ACBD5: variants seen among roughly 807,000 people sequenced by gnomAD.
The protein encoded by ACBD5 is acyl-CoA-binding domain-containing protein 5.
In ACBD5, 40 loss-of-function variants were observed where a neutral mutation model predicts 71.8. The ratio of observed to expected loss-of-function variants is 0.56; its 90% CI spans 0.43 to 0.72. ACBD5 has a LOEUF of 0.72. ACBD5 is among the 30% of genes least tolerant of loss of function. The probability of loss-of-function intolerance (pLI) is 0.00; values close to 1 mark genes in which losing one functional copy is unlikely to be tolerated. For synonymous variants in ACBD5, 229 were observed against 218.6 expected, an observed-to-expected ratio of 1.05 and a Z score of -0.42; for missense variants, 559 against 644.5, an observed-to-expected ratio of 0.87 and a Z score of 1.44.
intron 9 of ACBD5, among the ~76,000 whole-genome samples, chr10:27,208,837 CA>C (rs1448432555): frequency 3.3e-5 from 5 of 151,206 alleles, no homozygotes; most frequent in Non-Finnish European, 1.5e-5. Context: ...TACTCCATCT[CA>C]AAAAAATAAA....
chr10:27,217,938 C>A (rs1286330839), intron 7 of ACBD5, 42 bp downstream of exon 7: 4 of 1,540,720 alleles, frequency 2.6e-6, no homozygotes, highest in African/African-American at 1.4e-5. Context: ...AAAGACTATT[C>A]ATAGGAAAGA....
intron 2 of ACBD5, among the ~76,000 whole-genome samples, chr10:27,237,232 C>T (rs1056131110): frequency 1.3e-5 from 2 of 152,096 alleles, no homozygotes; most frequent in African/African-American, 4.8e-5. Context: ...ATACAAAAAC[C>T]GAGAACATTT....
upstream of ACBD5, chr10:27,240,870 C>G: frequency 1.1e-6 from 1 of 888,998 alleles, no homozygotes; most frequent in South Asian, 1.6e-5. The surrounding 1 kb of genome is among the most constrained non-coding windows in gnomAD (Gnocchi z 4.1). Context: ...GCCGCCGCAG[C>G]AGCAGTGCAG....
In ACBD5 at chr10:27,215,616, A is replaced by G. The variant is rs1460777816; in HGVS notation, c.855T>C (p.Asp285=). ...HQDINDDHVE[D]VTGIQHLTSD... is the part of the protein sequence containing the mutation. ...TTGTCAAATGCTGAATTCCTGTAAC[A>G]TCTTCAACATGATCATCATTTATAT... is the stretch of plus-strand genomic sequence containing the variant. Residue 285 remains aspartate, a synonymous_variant, in exon 8 of 13, where the codon GAT becomes GAC. Coordinates refer to ENST00000396271, the MANE Select transcript of ACBD5 (RefSeq NM_145698.5). 1.9e-6 allele frequency: 3 copies of G among 1,612,592 alleles called. No homozygotes were observed. The highest frequency in any genetic ancestry group is 3.3e-5 in the Admixed American group (2 of 59,984).
At position 27,235,261 on chromosome 10, in the gene ACBD5, T is replaced by C. The variant is rs1375406036; in HGVS notation, c.182-49A>G. On this transcript the variant is annotated intron_variant, in intron 2 of 12. Transcript: ENST00000396271. Reference sequence around the variant, plus strand: ...CAAATCACCTGGGGAATACAACTGATAATCAGGTTATAAATTAGCTTAGCT... The same window carrying C: ...CAAATCACCTGGGGAATACAACTGACAATCAGGTTATAAATTAGCTTAGCT... The C allele has an allele frequency of 1.9e-6, 3 of 1,606,360 alleles. No homozygotes were observed. The East Asian group carries it at 6.7e-5, about 36-fold the overall frequency.
chr10:27,197,476 A>G (rs746410094), intron 12 of ACBD5, 34 bp from the exon 13 acceptor site: 1 of 1,532,522 alleles, frequency 6.5e-7, no homozygotes, highest in Non-Finnish European at 9.0e-7. Context: ...ATTTCCTGTG[A>G]GTATGAATGC....
chr10:27,231,890 G>A (rs2063914032), intron 3 of ACBD5, 70 bp from the exon 4 acceptor site: 1 of 1,407,902 alleles, frequency 7.1e-7, no homozygotes, highest in East Asian at 2.3e-5. Context: ...ACAATTTATA[G>A]TTGATGCTAT....
At chr10:27,208,033 C>A (rs1329683294) in intron 10 of ACBD5, among the ~76,000 whole-genome samples, 1 of 152,140 alleles carries the variant, frequency 6.6e-6, no homozygotes, top group Non-Finnish European at 1.5e-5. Flanking sequence ...CGGCGCCCAG[C>A]CATTTTTCTA....
At chr10:27,238,244 T>TG (rs2065020183) in intron 2 of ACBD5, among the ~76,000 whole-genome samples, 1 of 152,348 alleles carries the variant, frequency 6.6e-6, no homozygotes, top group African/African-American at 2.4e-5. Context: ...CCCACAGTGC[T>TG]GGGATTACAG....
chr10:27,220,989 T>C (rs544263922), intron 5 of ACBD5, among the ~76,000 whole-genome samples: 1 of 152,364 alleles, frequency 6.6e-6, no homozygotes, highest in South Asian at 2.1e-4. Flanking sequence ...TTCTTACAGA[T>C]ATGCTTTCAC....
chr10:27,218,730 C>T (rs371388743), intron 6 of ACBD5, among the ~76,000 whole-genome samples: 4 of 151,706 alleles, frequency 2.6e-5, no homozygotes, highest in East Asian at 1.9e-4. Flanking sequence ...GGATTACAGG[C>T]GCCCGCCACT....
chr10:27,202,134 C>T (rs1025453091), intron 12 of ACBD5, among the ~76,000 whole-genome samples: 1 of 152,178 alleles, frequency 6.6e-6, no homozygotes, highest in Non-Finnish European at 1.5e-5. Flanking sequence ...TACAACTGCT[C>T]TCTGGTCTTC....
chr10:27,184,553 G>GCTTTT (rs2058535007), intron 13 of ACBD5, among the ~76,000 whole-genome samples: 1 of 74,918 alleles, frequency 1.3e-5, no homozygotes. Context: ...ATATAAGAAG[G>GCTTTT]ATTTTTTTTT....
In ACBD5 at chr10:27,235,127, C is replaced by T. The variant is rs2064481064; in HGVS notation, c.267G>A (p.Arg89=). 6.2e-7 allele frequency: 1 copy of T among 1,613,932 alleles called. No individual in the cohort carries two copies. ...QATEGPCKLS[R]PGFWDPIGRY... is the part of the protein sequence containing the mutation. ...TTCCAATAGGATCCCAAAATCCAGG[C>T]CTTGAAAGTTTACAGGGTCCTTCAG... Residue 89 remains arginine (R), a synonymous_variant, in exon 3 of 13, where the codon AGG becomes AGA. Coordinates refer to ENST00000396271, the MANE Select transcript of ACBD5 (RefSeq NM_145698.5).
At chr10:27,199,967 C>T (rs368196151) in intron 12 of ACBD5, among the ~76,000 whole-genome samples, 4 of 150,516 alleles carry the variant, frequency 2.7e-5, no homozygotes, top group South Asian at 2.1e-4. Flanking sequence ...CCAGCCTGGG[C>T]GACAGAGCAA....
chr10:27,199,179 AC>A (rs1407382038), intron 12 of ACBD5, among the ~76,000 whole-genome samples: 3 of 150,802 alleles, frequency 2.0e-5, no homozygotes, highest in African/African-American at 7.3e-5. Flanking sequence ...GTCTCGATGA[AC>A]CCCCAATCTT....
intron 13 of ACBD5, chr10:27,186,635 T>C: frequency 9.0e-7 from 1 of 1,106,568 alleles, no homozygotes; most frequent in South Asian, 1.2e-5. Context: ...GAAAGATCAT[T>C]ATTTAACCTA....
chr10:27,206,191 G>A (rs1237599526), intron 10 of ACBD5, among the ~76,000 whole-genome samples: 2 of 151,878 alleles, frequency 1.3e-5, no homozygotes, highest in African/African-American at 4.8e-5. Flanking sequence ...TGTGAGCCAT[G>A]GGCCTAGCCT....
In ACBD5 at chr10:27,240,050, G is replaced by T. The variant is rs1162091787; in HGVS notation, c.181+269C>A. Among the ~76,000 whole-genome samples the T allele has an allele frequency of 2.6e-5, 4 of 151,984 alleles. No individual in the cohort carries two copies. The highest frequency in any genetic ancestry group is 5.9e-5 in the Non-Finnish European group (4 of 67,974). ...GGCTTGAGCCACCGCGCCCGGCCCGGATTTATTTTTTAACACACCCAAATC... is the reference window on the plus strand; with the variant it reads ...GGCTTGAGCCACCGCGCCCGGCCCGTATTTATTTTTTAACACACCCAAATC... On this transcript the variant is annotated intron_variant, in intron 2 of 12. Transcript: ENST00000396271. This position sits in a 1 kb window ranked among gnomAD's most constrained non-coding sequence, Gnocchi z 4.1.
Sources: allele counts gnomAD v4.1 joint callset (sites outside exome capture counted in the v4.1 genomes callset), GRCh38; gene constraint gnomAD v4.1.1; non-coding constraint Gnocchi (gnomAD v3.1); transcripts MANE v1.5; gene names NCBI Gene and HGNC (gene_info 2026-07-23, HGNC 2026-07-21).